The following SRGAP3 variants were observed in gnomAD, a reference collection of about 807,000 sequenced individuals.
The protein encoded by SRGAP3 is SLIT-ROBO Rho GTPase-activating protein 3.
A neutral mutation model predicts 121.1 loss-of-function variants in SRGAP3; 39 were observed. The ratio of observed to expected loss-of-function variants is 0.32; its 90% confidence interval spans 0.25 to 0.42. The LOEUF (loss-of-function observed/expected upper bound fraction) is 0.42. Among genes scored for constraint, SRGAP3 ranks in the 10% least tolerant of loss-of-function variants. The probability of loss-of-function intolerance (pLI) is 1.00; values close to 1 mark genes in which losing one functional copy is unlikely to be tolerated. For missense variants in SRGAP3, 1,213 were observed against 1,470.6 expected (o/e 0.82, Z 2.86); for synonymous variants, 601 against 570.0 (o/e 1.05, Z -0.77).
chr3:9,171,518 A>G (rs1950974742), intron 1 of SRGAP3, among the ~76,000 whole-genome samples: 1 of 152,242 alleles, frequency 6.6e-6, no homozygotes, highest in African/African-American at 2.4e-5. Context: ...AAGTGGGATT[A>G]TGAGTCTTAT....
intron 3 of SRGAP3, among the ~76,000 whole-genome samples, chr3:9,290,614 T>C (rs903799522): frequency 6.6e-6 from 1 of 152,248 alleles, no homozygotes; most frequent in Admixed American, 6.5e-5. Flanking sequence ...GTCCAAGCTC[T>C]ACCCTCTTCA....
intron 1 of SRGAP3, among the ~76,000 whole-genome samples, chr3:9,215,983 T>G (rs1952603790): frequency 6.6e-6 from 1 of 151,692 alleles, no homozygotes; most frequent in African/African-American, 2.4e-5. Flanking sequence ...CCCTAATAAC[T>G]CCCCTCAGAC....
chr3:9,252,927 C>A (rs530245897), upstream of SRGAP3, among the ~76,000 whole-genome samples: 22 of 152,330 alleles, frequency 1.4e-4, no homozygotes, highest in East Asian at 3.7e-3. Flanking sequence ...AGAAAAGCCC[C>A]TGGAAGTGTT....
At chr3:9,087,131 T>C (rs1947538568) in intron 3 of SRGAP3, among the ~76,000 whole-genome samples, 1 of 152,166 alleles carries the variant, frequency 6.6e-6, no homozygotes, top group Non-Finnish European at 1.5e-5. Context: ...TGTGTATATA[T>C]ATGTGTTTGC....
chr3:9,349,224 C>T, intron 1 of SRGAP3: 1 of 645,974 alleles, frequency 1.5e-6, no homozygotes, highest in Non-Finnish European at 2.9e-6. Context: ...TCCCCAGGAG[C>T]ACCCTCCCTG....
upstream of SRGAP3, among the ~76,000 whole-genome samples, chr3:9,253,297 C>A (rs1250920594): frequency 1.3e-5 from 2 of 152,128 alleles, no homozygotes; most frequent in Non-Finnish European, 2.9e-5. Context: ...CAAGTAATAA[C>A]CCATTTTTTC....
At chr3:9,127,207 T>A (rs922008372) in intron 1 of SRGAP3, among the ~76,000 whole-genome samples, 1 of 151,798 alleles carries the variant, frequency 6.6e-6, no homozygotes. Flanking sequence ...TGTGGTGGCA[T>A]GGGCTTGTGT....
At chr3:9,346,065 C>CA (rs1200916837) in intron 1 of SRGAP3, among the ~76,000 whole-genome samples, 1 of 152,102 alleles carries the variant, frequency 6.6e-6, no homozygotes, top group Non-Finnish European at 1.5e-5. Flanking sequence ...TTTATATTCA[C>CA]AAAAAACGTG....
intron 1 of SRGAP3, among the ~76,000 whole-genome samples, chr3:9,237,155 A>T (rs1464215326): frequency 6.6e-6 from 1 of 152,184 alleles, no homozygotes; most frequent in Middle Eastern, 3.2e-3. Context: ...CGTAATATCT[A>T]TGTGTTCTTG....
At chr3:9,041,842 C>T (rs2670007) in intron 10 of SRGAP3, among the ~76,000 whole-genome samples, 56,614 of 151,970 alleles carry the variant, frequency 0.37, 11,260 homozygotes, top group African/African-American at 0.5. Context: ...GACTCGTGCC[C>T]GTAATCCCAG....
At chr3:9,000,207 G>C (rs1441427531) in intron 18 of SRGAP3, among the ~76,000 whole-genome samples, 7 of 152,242 alleles carry the variant, frequency 4.6e-5, no homozygotes, top group African/African-American at 1.4e-4. Context: ...TCCCAGGTGA[G>C]TGGAGTGGAG....
chr3:9,123,842 G>A (rs1035935583), intron 2 of SRGAP3, among the ~76,000 whole-genome samples: 2 of 151,442 alleles, frequency 1.3e-5, no homozygotes, highest in Non-Finnish European at 2.9e-5. Flanking sequence ...AGGGGGATCA[G>A]GATCAGGTCA....
chr3:9,276,912 C>T (rs188112401), intron 3 of SRGAP3, among the ~76,000 whole-genome samples: 72 of 152,318 alleles, frequency 4.7e-4, no homozygotes, highest in South Asian at 1.2e-3. Context: ...ACTTACCCTG[C>T]GCTCAGCACT....
chr3:9,045,093 A>G (rs1371785837), intron 10 of SRGAP3, among the ~76,000 whole-genome samples: 1 of 152,154 alleles, frequency 6.6e-6, no homozygotes, highest in Non-Finnish European at 1.5e-5. Context: ...TAAAATGTTA[A>G]TAACAGGACA....
intron 3 of SRGAP3, among the ~76,000 whole-genome samples, chr3:9,320,818 T>C (rs1165081227): frequency 1.3e-5 from 2 of 151,814 alleles, no homozygotes; most frequent in Non-Finnish European, 2.9e-5. Flanking sequence ...ATTCCCTTTT[T>C]GAGTATCTGT....
intron 11 of SRGAP3, chr3:9,035,656 A>C: frequency 5.7e-6 from 1 of 175,302 alleles, no homozygotes; most frequent in East Asian, 9.9e-5. Flanking sequence ...GGAACAGAGA[A>C]AGCCACAGAG....
intron 15 of SRGAP3, chr3:9,014,068 A>C: frequency 3.4e-6 from 2 of 585,654 alleles, no homozygotes; most frequent in Non-Finnish European, 6.2e-6. Flanking sequence ...ATCAGAGTCG[A>C]CTCTCCGGAC....
intron 1 of SRGAP3, among the ~76,000 whole-genome samples, chr3:9,186,558 T>C (rs1400022135): frequency 1.3e-5 from 2 of 152,206 alleles, no homozygotes; most frequent in Admixed American, 1.3e-4. Flanking sequence ...TTAATCCTCA[T>C]GTAATTCACC....
Position 9,112,519 on chromosome 3 carries a change from A to C in SRGAP3, c.261-7677T>G, listed in dbSNP as rs192049614. On this transcript the variant is annotated intron_variant, in intron 2 of 21. Coordinates refer to ENST00000383836, the MANE Select transcript of SRGAP3 (RefSeq NM_014850.4). Reference sequence around the variant, plus strand: ...CAGTCTAGTGGGGGTCTCAGATAACAATCAGATAATCACAAAAATCAATAG... The same window carrying C: ...CAGTCTAGTGGGGGTCTCAGATAACCATCAGATAATCACAAAAATCAATAG... Among the ~76,000 whole-genome samples the C allele has an allele frequency of 1.5e-4, 23 of 152,326 alleles. No homozygotes were observed. In the East Asian group the frequency reaches 1.9e-3, roughly 13 times the overall value.
Sources: allele counts gnomAD v4.1 joint callset (sites outside exome capture counted in the v4.1 genomes callset), GRCh38; gene constraint gnomAD v4.1.1; transcripts MANE v1.5; gene names NCBI Gene and HGNC (gene_info 2026-07-23, HGNC 2026-07-21).